TAF4B: variants seen among roughly 807,000 people sequenced by gnomAD.
TAF4B encodes the protein TATA-box binding protein associated factor 4b, also known as transcription initiation factor TFIID subunit 4B.
Under a neutral mutation model 86.4 loss-of-function variants are expected in TAF4B, and 38 were observed. That is an observed-to-expected ratio of 0.44 (90% CI 0.34 to 0.58). TAF4B has a LOEUF of 0.58. Ranked by LOEUF, TAF4B falls within the 20% of genes least tolerant of loss-of-function variation. TAF4B has a pLI of 0.02. For synonymous variants in TAF4B, 388 were observed against 391.2 expected (o/e 0.99, Z 0.10); for missense variants, 988 against 1,027.6 (o/e 0.96, Z 0.53).
At chr18:26,359,842 C>T (rs943432563) in intron 14 of TAF4B, among the ~76,000 whole-genome samples, 1 of 151,764 alleles carries the variant, frequency 6.6e-6, no homozygotes, top group Non-Finnish European at 1.5e-5. Context: ...CTTACCCACC[C>T]GAGTAGCTGA....
intron 9 of TAF4B, among the ~76,000 whole-genome samples, chr18:26,297,769 T>A (rs1457697534): frequency 6.6e-6 from 1 of 152,164 alleles, no homozygotes; most frequent in African/African-American, 2.4e-5. Flanking sequence ...TTGTTTACAG[T>A]TTTTGGCAAT....
intron 1 of TAF4B, among the ~76,000 whole-genome samples, chr18:26,253,770 A>G (rs566231071): frequency 9.2e-5 from 14 of 151,968 alleles, no homozygotes; most frequent in East Asian, 7.7e-4. Context: ...CAGGTTGTCT[A>G]TTCTTTCTTG....
chr18:26,237,250 C>T (rs541124417), intron 1 of TAF4B, among the ~76,000 whole-genome samples: 1 of 152,268 alleles, frequency 6.6e-6, no homozygotes, highest in African/African-American at 2.4e-5. Flanking sequence ...GCTAAAGCCA[C>T]ATTCTTCTCA....
intron 1 of TAF4B, among the ~76,000 whole-genome samples, chr18:26,245,854 A>G (rs1357609283): frequency 6.6e-6 from 1 of 152,240 alleles, no homozygotes; most frequent in Non-Finnish European, 1.5e-5. Flanking sequence ...CACTGTATTG[A>G]CATAACATTG....
intron 1 of TAF4B, among the ~76,000 whole-genome samples, chr18:26,254,823 A>C (rs1253416154): frequency 6.6e-6 from 1 of 152,218 alleles, no homozygotes; most frequent in Non-Finnish European, 1.5e-5. Flanking sequence ...CACAGGATGC[A>C]ACATATATAG....
chr18:26,359,328 T>C (rs1157556846), intron 14 of TAF4B, among the ~76,000 whole-genome samples: 1 of 152,210 alleles, frequency 6.6e-6, no homozygotes, highest in Non-Finnish European at 1.5e-5. Flanking sequence ...TTTGCACTTA[T>C]ATTGTTGTGT....
At chr18:26,334,495 A>C (rs187592977) in intron 12 of TAF4B, among the ~76,000 whole-genome samples, 27 of 152,308 alleles carry the variant, frequency 1.8e-4, no homozygotes, top group African/African-American at 6.5e-4. Context: ...TCAGAAATAA[A>C]GTTCCCTACC....
At chr18:26,250,027 TTTG>T (rs1443823148) in intron 1 of TAF4B, among the ~76,000 whole-genome samples, 1 of 152,062 alleles carries the variant, frequency 6.6e-6, no homozygotes, top group East Asian at 1.9e-4. Context: ...CCGTCCAGTT[TTTG>T]TTGTTGTTGT....
At chr18:26,315,142 CTCTG>C (rs551071860) in intron 9 of TAF4B, 83 bp from the exon 10 acceptor site, 6,225 of 260,432 alleles carry the variant, frequency 0.024, 244 homozygotes, top group African/African-American at 0.1. Context: ...CTCTCTCTCT[CTCTG>C]TCTCTCTCTC....
At chr18:26,305,686 A>T (rs1052534206) in intron 9 of TAF4B, among the ~76,000 whole-genome samples, 1 of 152,032 alleles carries the variant, frequency 6.6e-6, no homozygotes, top group African/African-American at 2.4e-5. Flanking sequence ...TTTTGTTTTG[A>T]TATTACTATT....
intron 13 of TAF4B, among the ~76,000 whole-genome samples, chr18:26,336,488 C>T (rs1397906401): frequency 6.6e-6 from 1 of 151,930 alleles, no homozygotes; most frequent in Non-Finnish European, 1.5e-5. Context: ...AATACATGAA[C>T]TCTGGGTGGA....
chr18:26,355,554 T>C (rs745678412), intron 13 of TAF4B, among the ~76,000 whole-genome samples: 21 of 152,248 alleles, frequency 1.4e-4, no homozygotes, highest in Non-Finnish European at 2.4e-4. Context: ...ATGGTCAGTT[T>C]CCATTTTTGT....
intron 14 of TAF4B, among the ~76,000 whole-genome samples, chr18:26,386,527 A>G (rs980863082): frequency 1.6e-4 from 24 of 152,172 alleles, no homozygotes; most frequent in African/African-American, 5.8e-4. Context: ...TAGATCAAGA[A>G]GGAAACATCA....
At chr18:26,229,978 TACACAC>T (rs766665964) in intron 1 of TAF4B, among the ~76,000 whole-genome samples, 2 of 150,790 alleles carry the variant, frequency 1.3e-5, no homozygotes, top group African/African-American at 2.4e-5. Flanking sequence ...TATATATATA[TACACAC>T]ACACACACAC....
intron 3 of TAF4B, among the ~76,000 whole-genome samples, chr18:26,271,826 C>G (rs868718251): frequency 1.3e-5 from 2 of 151,034 alleles, no homozygotes; most frequent in Non-Finnish European, 2.9e-5. Context: ...ACTCAGGAGG[C>G]TGAGGCAGGA....
intron 13 of TAF4B, among the ~76,000 whole-genome samples, chr18:26,344,988 A>G (rs189710006): frequency 6.6e-6 from 1 of 152,342 alleles, no homozygotes; most frequent in Admixed American, 6.5e-5. Context: ...CCCTGTTGCC[A>G]CCACAAACGC....
intron 11 of TAF4B, among the ~76,000 whole-genome samples, chr18:26,325,910 C>A (rs1279860433): frequency 1.3e-5 from 2 of 151,772 alleles, no homozygotes; most frequent in Admixed American, 6.6e-5. Flanking sequence ...AGTTAAATAC[C>A]AACAATAAAA....
chr18:26,385,691 TTTTC>T (rs1489749184), intron 14 of TAF4B, among the ~76,000 whole-genome samples: 5 of 145,418 alleles, frequency 3.4e-5, no homozygotes, highest in African/African-American at 7.4e-5. Context: ...TTTTTTTTTT[TTTTC>T]TTCTTCTTCT....
At chr18:26,338,445 T>A (rs921902731) in intron 13 of TAF4B, among the ~76,000 whole-genome samples, 46 of 147,796 alleles carry the variant, frequency 3.1e-4, no homozygotes, top group African/African-American at 1.1e-3. Context: ...AGAGTGAGAC[T>A]CTGTCTCAGA....
Sources: allele counts gnomAD v4.1 joint callset (sites outside exome capture counted in the v4.1 genomes callset), GRCh38; gene constraint gnomAD v4.1.1; transcripts MANE v1.5; gene names NCBI Gene and HGNC (gene_info 2026-07-23, HGNC 2026-07-21).